Variants in PPIP5K2 observed in about 807,000 individuals in gnomAD.
PPIP5K2 encodes diphosphoinositol pentakisphosphate kinase 2, also known as inositol hexakisphosphate and diphosphoinositol-pentakisphosphate kinase 2.
In PPIP5K2, 105 loss-of-function variants were observed where a neutral mutation model predicts 154.6. The observed-to-expected ratio is 0.68, with a 90% CI of 0.58 to 0.80. The LOEUF (loss-of-function observed/expected upper bound fraction) is 0.80, where lower values mean the gene tolerates loss of function less well. Ranked by LOEUF, PPIP5K2 falls within the 30% of genes least tolerant of loss-of-function variation. The pLI is 0.00. For missense variants in PPIP5K2, 992 were observed against 1,504.6 expected (o/e 0.66, Z 5.64); for synonymous variants, 480 against 490.3 (o/e 0.98, Z 0.28).
At chr5:103,191,089 A>G in intron 29 of PPIP5K2, 107 bp downstream of exon 29, 1 of 986,474 alleles carries the variant, frequency 1.0e-6, no homozygotes, top group Non-Finnish European at 1.5e-6. Context: ...GGTAATGAGT[A>G]GGAGTACAAA....
rs1297951058 is a variant in PPIP5K2, at chr5:103,202,601, A to T, written c.*967A>T. On this transcript the variant is annotated 3_prime_UTR_variant, in exon 31 of 31. Coordinates refer to ENST00000358359, the MANE Select transcript of PPIP5K2 (RefSeq NM_001276277.3). ...TTGATCACACTAAGAAAGCTTAAAG[A>T]TTGAGCATTTGAAATAAATGCTCTT... The T allele has an allele frequency of 6.6e-6, 1 of 152,190 alleles. No homozygotes were observed. Among genetic ancestry groups the T allele is most frequent in the Non-Finnish European group, 1.5e-5 (1 of 68,030 alleles). 9.4% of individuals were successfully genotyped at this position (152,190 alleles called of 1,614,324 possible).
At chr5:103,183,897 G>A (rs1380850325) in intron 25 of PPIP5K2, among the ~76,000 whole-genome samples, 3 of 151,924 alleles carry the variant, frequency 2.0e-5, no homozygotes, top group South Asian at 4.2e-4. Context: ...AGGATATATC[G>A]AATATTGATA....
intron 17 of PPIP5K2, among the ~76,000 whole-genome samples, chr5:103,162,468 T>C (rs1796445722): frequency 6.6e-6 from 1 of 151,906 alleles, no homozygotes; most frequent in Non-Finnish European, 1.5e-5. Flanking sequence ...GCTCAAGTGA[T>C]TCTCCTGCCT....
intron 1 of PPIP5K2, among the ~76,000 whole-genome samples, chr5:103,127,691 T>A (rs1341278080): frequency 1.3e-5 from 2 of 152,230 alleles, no homozygotes; most frequent in Non-Finnish European, 2.9e-5. Flanking sequence ...AGGGTGTTAC[T>A]ATACTCCCTT....
Position 103,212,073 on chromosome 5 carries a change from T to C in PPIP5K2, c.*10439T>C, listed in dbSNP as rs1352930875. ...TTTTTTGGTCAACATGAATTATAGCTAGGGGAAGAGATAAACAGGGGGTTA... is the reference window on the plus strand; with the variant it reads ...TTTTTTGGTCAACATGAATTATAGCCAGGGGAAGAGATAAACAGGGGGTTA... On this transcript the variant is annotated 3_prime_UTR_variant, in exon 31 of 31. Transcript: ENST00000358359. 4 of 152,088 alleles carry C rather than the reference T, an allele frequency of 2.6e-5. No homozygotes were observed. The highest frequency in any genetic ancestry group is 1.3e-4 in the Admixed American group (2 of 15,254). 9.4% of individuals were successfully genotyped at this position (152,088 alleles called of 1,614,324 possible). A position where few individuals can be genotyped will look rare whatever the true frequency, so the allele number is the denominator to read the frequency against.
rs782305488 is a variant in PPIP5K2, at chr5:103,177,671, C to T, written c.2534C>T (p.Ser845Leu). 4 of 1,597,694 alleles carry T rather than the reference C, an allele frequency of 2.5e-6. No homozygotes were observed. The highest frequency in any genetic ancestry group is 1.3e-5 in the African/African-American group (1 of 74,186). ...ILRYGALCNE[S>L]KDEQWKRAMD... ...CCACATGTATCTTTTGTTCAGGAAT[C>T]AAAGGATGAACAGTGGAAACGAGCT... is the stretch of plus-strand genomic sequence containing the variant. The change falls in exon 22 of 31, where the codon TCA becomes TTA. Residue 845 changes from serine (S) to leucine (L), a missense_variant. Physicochemically the swap from Ser to Leu is moderately radical, Grantham distance 145 (BLOSUM62 -2). Transcript: ENST00000358359.
intron 5 of PPIP5K2, among the ~76,000 whole-genome samples, chr5:103,143,338 A>C (rs1405355603): frequency 6.6e-6 from 1 of 152,130 alleles, no homozygotes; most frequent in Non-Finnish European, 1.5e-5. Context: ...CTACAAGCAC[A>C]AGCCACCAGA....
Position 103,206,586 on chromosome 5 carries a change from A to G in PPIP5K2, c.*4952A>G, listed in dbSNP as rs1803526309. On this transcript the variant is annotated 3_prime_UTR_variant, in exon 31 of 31. Transcript: ENST00000358359. ...ATTCTACATCATAGGAAGCTGTTCC[A>G]TGCATAGCAGCATGTCTAGTAGGAT... 2 of 152,260 alleles carry G rather than the reference A, an allele frequency of 1.3e-5. No homozygotes were observed. Among genetic ancestry groups the G allele is most frequent in the African/African-American group, 4.8e-5 (2 of 41,478 alleles). The allele number at this position is 152,260 out of a possible 1,614,324, so 9.4% of individuals were successfully genotyped here.
At position 103,180,036 on chromosome 5, in the gene PPIP5K2, C is replaced by T. The variant is rs1176751209; in HGVS notation, c.2770C>T (p.Pro924Ser). The T allele has an allele frequency of 2.0e-6, 3 of 1,536,962 alleles. No individual in the cohort carries two copies. Among genetic ancestry groups the T allele is most frequent in the African/African-American group, 2.8e-5 (2 of 70,464 alleles). ...PASRENEGRR[P>S]FKIDNDDEPH... ...TTGCTCACAGAATGAAGGCAGGAGA[C>T]CTTTTAAAATTGATAATGATGATGA... The change falls in exon 24 of 31, where the codon CCT (proline) becomes TCT (serine). Residue 924 changes from proline (P) to serine (S), a missense_variant. By Grantham distance (74) the Pro-to-Ser change is moderately conservative. This residue lies in a region of PPIP5K2 where 204 missense variants were observed against 224.0 expected (regional missense o/e 0.91). Transcript: ENST00000358359.
At chr5:103,171,655 A>C (rs17165593) in intron 19 of PPIP5K2, among the ~76,000 whole-genome samples, 1,903 of 151,740 alleles carry the variant, frequency 0.013, 35 homozygotes, top group African/African-American at 0.044. Flanking sequence ...AAACTAGAAA[A>C]TACAGATAGA....
chr5:103,131,645 A>T (rs1790636794), intron 2 of PPIP5K2, among the ~76,000 whole-genome samples: 1 of 152,142 alleles, frequency 6.6e-6, no homozygotes. Flanking sequence ...GATTTAGTTC[A>T]TTTGATGTAT....
chr5:103,151,086 C>G (rs1794583346), intron 8 of PPIP5K2, among the ~76,000 whole-genome samples, 167 bp from the exon 9 acceptor site: 1 of 151,786 alleles, frequency 6.6e-6, no homozygotes, highest in Non-Finnish European at 1.5e-5. Context: ...TCAGAGTACT[C>G]AAGTTATAAA....
intron 5 of PPIP5K2, among the ~76,000 whole-genome samples, chr5:103,142,211 C>G (rs32843): frequency 0.34 from 51,834 of 152,112 alleles, 9,283 homozygotes; most frequent in East Asian, 0.45. Context: ...GTGAGAAATC[C>G]AGCGCAGCGC....
intron 2 of PPIP5K2, among the ~76,000 whole-genome samples, chr5:103,130,890 T>A (rs1790499713): frequency 6.6e-6 from 1 of 152,170 alleles, no homozygotes; most frequent in Non-Finnish European, 1.5e-5. Flanking sequence ...TTATGTCTCA[T>A]CTATATCTAC....
chr5:103,203,871 G>C lies in PPIP5K2; in HGVS notation c.*2237G>C, dbSNP rs1562528668. The C allele has an allele frequency of 6.6e-6, 1 of 152,138 alleles. No homozygotes were observed. The highest frequency in any genetic ancestry group is 1.5e-5 in the Non-Finnish European group (1 of 68,044). 9.4% of individuals were successfully genotyped at this position (152,138 alleles called of 1,614,324 possible). ...TCTCAAATACTAGCAAATTTGGGGG[G>C]CGTGGTACAGCAATTTTGGGTGAAG... On this transcript the variant is annotated 3_prime_UTR_variant, in exon 31 of 31. Coordinates refer to ENST00000358359, the MANE Select transcript of PPIP5K2 (RefSeq NM_001276277.3).
chr5:103,133,294 A>G (rs781809761), intron 2 of PPIP5K2, among the ~76,000 whole-genome samples, 159 bp from the exon 3 acceptor site: 1 of 152,234 alleles, frequency 6.6e-6, no homozygotes, highest in Non-Finnish European at 1.5e-5. Flanking sequence ...AATGTTTATT[A>G]TAACAATGAT....
chr5:103,133,037 A>T (rs1239124215), intron 2 of PPIP5K2, among the ~76,000 whole-genome samples: 1 of 152,256 alleles, frequency 6.6e-6, no homozygotes, highest in East Asian at 1.9e-4. Context: ...TTTAATACTT[A>T]TAGCTTTGTA....
chr5:103,202,797 G>A lies in PPIP5K2; in HGVS notation c.*1163G>A, dbSNP rs1253195316. ...TAATCCAAATGGGACAATCTGATAA[G>A]AATTTCATGCATTGGTAGTTAAATA... On this transcript the variant is annotated 3_prime_UTR_variant, in exon 31 of 31. Transcript: ENST00000358359. The A allele has an allele frequency of 2.6e-5, 4 of 152,070 alleles. No individual in the cohort carries two copies. The highest frequency in any genetic ancestry group is 2.6e-4 in the Admixed American group (4 of 15,258). The allele number at this position is 152,070 out of a possible 1,614,324, so 9.4% of individuals were successfully genotyped here. A position where few individuals can be genotyped will look rare whatever the true frequency, so the allele number is the denominator to read the frequency against.
At position 103,137,010 on chromosome 5, in the gene PPIP5K2, A is replaced by T. The variant is rs116233740; in HGVS notation, c.401+188A>T. Among the ~76,000 whole-genome samples, 802 of 152,312 alleles carry T rather than the reference A, an allele frequency of 5.3e-3. 7 individuals carry two copies. The highest frequency in any genetic ancestry group is 0.017 in the African/African-American group (716 of 41,556). On this transcript the variant is annotated intron_variant, in intron 4 of 30. Coordinates refer to ENST00000358359, the MANE Select transcript of PPIP5K2 (RefSeq NM_001276277.3). ...ATCTTGATAATTAGGAAGATTGATT[A>T]ATCTACCCAAAGTCACAAGTTCCCC... is the stretch of plus-strand genomic sequence containing the variant.
Sources: allele counts gnomAD v4.1 joint callset (sites outside exome capture counted in the v4.1 genomes callset), GRCh38; gene constraint gnomAD v4.1.1; regional missense constraint gnomAD v4.1.1; transcripts MANE v1.5; gene names NCBI Gene and HGNC (gene_info 2026-07-23, HGNC 2026-07-21).